The following CPLANE1 variants were observed in gnomAD, a reference collection of about 807,000 sequenced individuals.
CPLANE1 encodes the protein ciliogenesis and planar polarity effector 1.
A neutral mutation model predicts 362.5 loss-of-function variants in CPLANE1; 263 were observed. The observed-to-expected ratio is 0.73, with a 90% CI of 0.66 to 0.80. The LOEUF (loss-of-function observed/expected upper bound fraction) is 0.80, where lower values mean the gene tolerates loss of function less well. CPLANE1 is among the 30% of genes least tolerant of loss of function. The probability of loss-of-function intolerance (pLI) is 0.00; values close to 1 mark genes in which losing one functional copy is unlikely to be tolerated. For synonymous variants in CPLANE1, 1,212 were observed against 1,302.6 expected (o/e 0.93, Z 1.50); for missense variants, 3,461 against 3,793.4 (o/e 0.91, Z 2.30).
intron 42 of CPLANE1, among the ~76,000 whole-genome samples, chr5:37,149,299 T>A (rs1014274482): frequency 1.3e-5 from 2 of 152,288 alleles, no homozygotes; most frequent in East Asian, 1.9e-4. Flanking sequence ...GTCCCTTATA[T>A]AAAATGGTGC....
rs376267848 is a variant in CPLANE1, at chr5:37,111,008, C to T, written c.9401-2537G>A. Among the ~76,000 whole-genome samples the T allele has an allele frequency of 6.6e-5, 10 of 150,930 alleles. No homozygotes were observed. In the East Asian group the frequency reaches 1.4e-3, roughly 21 times the overall value. ...ATTTTTAGTAGAGATGGGGTTTCACCGTGTTAGCCAGGATGGTCTCAATCT... is the reference window on the plus strand; with the variant it reads ...ATTTTTAGTAGAGATGGGGTTTCACTGTGTTAGCCAGGATGGTCTCAATCT... On this transcript the variant is annotated intron_variant, in intron 51 of 52. Transcript: ENST00000651892.
At chr5:37,162,633 A>G in intron 37 of CPLANE1, 67 bp from the exon 38 acceptor site, 1 of 1,077,048 alleles carries the variant, frequency 9.3e-7, no homozygotes, top group East Asian at 2.4e-5. Flanking sequence ...GCCCAGCAGC[A>G]CAGTACCTAA....
chr5:37,210,785 G>C, intron 16 of CPLANE1: 2 of 1,259,010 alleles, frequency 1.6e-6, no homozygotes, highest in Non-Finnish European at 2.3e-6. Flanking sequence ...GCCTAGCTCA[G>C]CTGGCTCCTG....
At chr5:37,184,234 C>T (rs1325743811) in intron 25 of CPLANE1, among the ~76,000 whole-genome samples, 3 of 152,072 alleles carry the variant, frequency 2.0e-5, no homozygotes, top group African/African-American at 7.2e-5. Context: ...TGGGCGGACA[C>T]CTTAACTGCC....
At chr5:37,105,821 A>G (rs964537090), downstream of CPLANE1, among the ~76,000 whole-genome samples, 1 of 152,200 alleles carries the variant, frequency 6.6e-6, no homozygotes, top group Non-Finnish European at 1.5e-5. Flanking sequence ...CTTAGTAACA[A>G]AAAAGAATCC....
Position 37,245,737 on chromosome 5 carries a change from C to T in CPLANE1, c.190G>A (p.Val64Ile), listed in dbSNP as rs965197100. ...IPSLQPFLKD[V>I]IVLTTSSNDA... is the part of the protein sequence containing the mutation. ...TTACTGGATGTTGTTAGGACAATAA[C>T]ATCCTTCAAGAAAGGCTGCAGACTA... Residue 64 changes from valine to isoleucine, a missense_variant, in exon 3 of 53, where the codon GTT becomes ATT. Val to Ile is a conservative substitution (Grantham distance 29, BLOSUM62 3). This residue lies in a region of CPLANE1 where 3,380 missense variants were observed against 3,666.1 expected (regional missense o/e 0.92). Transcript: ENST00000651892. 2.6e-6 allele frequency: 4 copies of T among 1,532,264 alleles called. No homozygotes were observed. The African/African-American group carries it at 4.2e-5, about 16-fold the overall frequency. The allele number at this position is 1,532,264 out of a possible 1,614,324, so 94.9% of individuals were successfully genotyped here. A position where few individuals can be genotyped will look rare whatever the true frequency, so the allele number is the denominator to read the frequency against.
the CPLANE1 span, among the ~76,000 whole-genome samples, chr5:37,091,290 G>A: frequency 6.6e-6 from 1 of 152,164 alleles, no homozygotes. Context: ...ACCCTTCCTA[G>A]AGAGTCCACT....
intron 37 of CPLANE1, 140 bp downstream of exon 37, chr5:37,164,133 G>C (rs1201979822): frequency 6.6e-6 from 4 of 609,506 alleles, no homozygotes; most frequent in Non-Finnish European, 1.2e-5. Context: ...CTGAGTTGAG[G>C]GGGGTGGAGT....
rs768143928 is a variant in CPLANE1, at chr5:37,121,646, G to C, written c.9156C>G (p.Ser3052=). The C allele has an allele frequency of 2.5e-6, 4 of 1,614,148 alleles. No homozygotes were observed. In the East Asian group the frequency reaches 8.9e-5, roughly 36 times the overall value. The change falls in exon 49 of 53, where the codon TCC becomes TCG. Residue 3052 remains serine (S), a synonymous_variant. Transcript: ENST00000651892. ...LPNKPSPTQS[S]SCQHCPSPRG... ...TTGGAGAAGGGCAGTGTTGACAACT[G>C]GAAGACTGAGTAGGGCTGGGTTTGT...
intron 50 of CPLANE1, among the ~76,000 whole-genome samples, chr5:37,115,323 C>T (rs1760618130): frequency 6.6e-6 from 1 of 152,184 alleles, no homozygotes; most frequent in Non-Finnish European, 1.5e-5. Flanking sequence ...TTTGACATCT[C>T]TGGCAACTGG....
chr5:37,154,456 G>GTTTTTTTTTTTTTTTTTTTT (rs1457651303), intron 41 of CPLANE1, among the ~76,000 whole-genome samples: 1 of 83,124 alleles, frequency 1.2e-5, no homozygotes, highest in Non-Finnish European at 2.1e-5. Context: ...ATTTGCAATA[G>GTTTTTTTTTTTTTTTTTTTT]TTCTTTTTTT....
chr5:37,183,891 T>C (rs1175961173), intron 25 of CPLANE1, among the ~76,000 whole-genome samples, 192 bp from the exon 26 acceptor site: 4 of 152,118 alleles, frequency 2.6e-5, no homozygotes, highest in Admixed American at 2.6e-4. Context: ...ACATTTCTAC[T>C]ATGAGATCAA....
Position 37,157,307 on chromosome 5 carries a change from G to A in CPLANE1, c.8119+6C>T, listed in dbSNP as rs1775404261. On this transcript the variant is annotated splice_donor_region_variant and intron_variant, in intron 41 of 52. Coordinates refer to ENST00000651892, the MANE Select transcript of CPLANE1 (RefSeq NM_001384732.1). ...GAGGGTCATGCTATACCTCTTGGCT[G>A]TTTACCTTTGTTCTGCTGTATGTCT... The A allele has an allele frequency of 1.5e-6, 2 of 1,353,516 alleles. No homozygotes were observed. The highest frequency in any genetic ancestry group is 2.9e-5 in the African/African-American group (2 of 68,088). The allele number at this position is 1,353,516 out of a possible 1,614,324, so 83.8% of individuals were successfully genotyped here.
At chr5:37,198,240 T>G (rs933035505) in intron 20 of CPLANE1, among the ~76,000 whole-genome samples, 5 of 152,092 alleles carry the variant, frequency 3.3e-5, no homozygotes, top group Admixed American at 2.6e-4. Flanking sequence ...GGAATCAAAC[T>G]GAATTGCACA....
chr5:37,240,358 AAAAG>A lies in CPLANE1; in HGVS notation c.678-493_678-490del, dbSNP rs933908636. On this transcript the variant is annotated intron_variant, in intron 6 of 52. Coordinates refer to ENST00000651892, the MANE Select transcript of CPLANE1 (RefSeq NM_001384732.1). ...GAGTGAGACTCCATATCAAAGAAAA[AAAAG>A]AAAGAAAGAAAGAGAAGGGGTTTAT... is the stretch of plus-strand genomic sequence containing the variant. Among the ~76,000 whole-genome samples, 15 of 152,278 alleles carry A rather than the reference AAAAG, an allele frequency of 9.9e-5. No homozygotes were observed. The South Asian group carries it at 1.9e-3, about 19-fold the overall frequency.
rs61735522 is a variant in CPLANE1, at chr5:37,210,803, G to C, written c.2920+2756C>G. The C allele has an allele frequency of 4.0e-5, 45 of 1,121,430 alleles. No individual in the cohort carries two copies. The African/African-American group carries it at 5.4e-4, about 13-fold the overall frequency. The allele number at this position is 1,121,430 out of a possible 1,614,324, so 69.5% of individuals were successfully genotyped here. On this transcript the variant is annotated intron_variant, in intron 16 of 52. Coordinates refer to ENST00000651892, the MANE Select transcript of CPLANE1 (RefSeq NM_001384732.1). Reference sequence around the variant, plus strand: ...TAGCTCAGCTGGCTCCTGAACTTGCGGTCTTTCAGAAAGAACTAAGGAGAG... The same window carrying C: ...TAGCTCAGCTGGCTCCTGAACTTGCCGTCTTTCAGAAAGAACTAAGGAGAG...
In CPLANE1 at chr5:37,212,812, T is replaced by C. The variant is rs145560219; in HGVS notation, c.2920+747A>G. Among the ~76,000 whole-genome samples, 12 of 152,370 alleles carry C rather than the reference T, an allele frequency of 7.9e-5. No homozygotes were observed. In the East Asian group the frequency reaches 2.3e-3, roughly 29 times the overall value. On this transcript the variant is annotated intron_variant, in intron 16 of 52. Transcript: ENST00000651892. ...CTGAATTAGCAGGCTCAATATTTATTAAATCTCTACATTTTGACATAAATG... is the reference window on the plus strand; with the variant it reads ...CTGAATTAGCAGGCTCAATATTTATCAAATCTCTACATTTTGACATAAATG...
chr5:37,218,841 G>A (rs1177576009), intron 15 of CPLANE1, among the ~76,000 whole-genome samples: 1 of 151,532 alleles, frequency 6.6e-6, no homozygotes, highest in Non-Finnish European at 1.5e-5. Context: ...CCAGCTACTC[G>A]GGAGGCTGAG....
the CPLANE1 span, among the ~76,000 whole-genome samples, chr5:37,097,856 C>T: frequency 6.6e-6 from 1 of 152,104 alleles, no homozygotes; most frequent in Non-Finnish European, 1.5e-5. Context: ...AATAACATCT[C>T]AATAATAACC....
Sources: gnomAD v4.1 joint callset for allele counts (sites outside exome capture counted in the v4.1 genomes callset) on GRCh38, gnomAD v4.1.1 for gene constraint, gnomAD v4.1.1 regional missense constraint, MANE v1.5 for transcripts, NCBI Gene and HGNC (gene_info 2026-07-23, HGNC 2026-07-21) for gene names.